DNAJC6: variants seen among roughly 807,000 people sequenced by gnomAD.
DNAJC6 encodes auxilin.
A neutral mutation model predicts 110.0 loss-of-function variants in DNAJC6; 34 were observed. That is an observed-to-expected ratio of 0.31 (90% confidence interval 0.24 to 0.41). The LOEUF (loss-of-function observed/expected upper bound fraction) is 0.41. Among genes scored for constraint, DNAJC6 ranks in the 10% least tolerant of loss-of-function variants. The pLI, the probability that DNAJC6 is intolerant of heterozygous loss-of-function variation, is 1.00. For synonymous variants in DNAJC6, 406 were observed against 437.2 expected (o/e 0.93, Z 0.89); for missense variants, 1,031 against 1,207.8 (o/e 0.85, Z 2.17).
chr1:65,408,870 G>A, intron 17 of DNAJC6, 87 bp downstream of exon 17: 1 of 1,472,738 alleles, frequency 6.8e-7, no homozygotes, highest in Non-Finnish European at 9.1e-7. Flanking sequence ...CGCCATGAGA[G>A]TAACCTATTG....
At chr1:65,309,428 G>C, upstream of DNAJC6, 10 of 544,424 alleles carry the variant, frequency 1.8e-5, no homozygotes, top group Non-Finnish European at 2.4e-5. Flanking sequence ...GCCAGGAGGT[G>C]CTGGCCTGGG....
chr1:65,265,701 G>C (rs902113361), intron 1 of DNAJC6, among the ~76,000 whole-genome samples: 1 of 152,220 alleles, frequency 6.6e-6, no homozygotes, highest in East Asian at 1.9e-4. Context: ...GCCGCAGTTG[G>C]GGGAGGAGCG....
chr1:65,355,630 G>A (rs1305341486), intron 1 of DNAJC6, among the ~76,000 whole-genome samples: 1 of 152,166 alleles, frequency 6.6e-6, no homozygotes, highest in Non-Finnish European at 1.5e-5. Context: ...GAGTGAACCT[G>A]AATATTAGTC....
At chr1:65,383,322 T>C (rs546856236) in intron 5 of DNAJC6, among the ~76,000 whole-genome samples, 1 of 152,314 alleles carries the variant, frequency 6.6e-6, no homozygotes, top group African/African-American at 2.4e-5. Context: ...AGTTCTTTTC[T>C]TTCTTTTTTT....
intron 1 of DNAJC6, among the ~76,000 whole-genome samples, chr1:65,334,189 A>G (rs1645313880): frequency 6.6e-6 from 1 of 152,268 alleles, no homozygotes; most frequent in Non-Finnish European, 1.5e-5. Flanking sequence ...TATAACATGT[A>G]ACCATGTTTG....
chr1:65,330,545 C>T (rs569985711), intron 1 of DNAJC6, among the ~76,000 whole-genome samples: 31 of 152,086 alleles, frequency 2.0e-4, no homozygotes, highest in Non-Finnish European at 4.0e-4. Flanking sequence ...TTCGGCTCAC[C>T]GCAAGCTCCG....
chr1:65,376,751 T>TTTTATTTA (rs3054307), intron 4 of DNAJC6, among the ~76,000 whole-genome samples: 3 of 150,432 alleles, frequency 2.0e-5, no homozygotes, highest in South Asian at 2.1e-4. Context: ...ATGATTTCTA[T>TTTTATTTA]TTTATTTATT....
intron 1 of DNAJC6, among the ~76,000 whole-genome samples, chr1:65,325,723 C>T (rs537982145): frequency 6.6e-6 from 1 of 152,352 alleles, no homozygotes; most frequent in Admixed American, 6.5e-5. Context: ...GCCATACGTT[C>T]TGAGAAACGC....
chr1:65,303,220 T>TA lies in DNAJC6; in HGVS notation c.-131+38289dup, dbSNP rs1419919858. Among the ~76,000 whole-genome samples the TA allele has an allele frequency of 5.3e-5, 8 of 152,364 alleles. No homozygotes were observed. The East Asian group carries it at 1.2e-3, about 22-fold the overall frequency. ...TAGCAGATACTTACTGAACACCTAT[T>TA]ACTTGGCAGGCACTGTGCTAGACCT... On this transcript the variant is annotated intron_variant, in intron 1 of 19. Coordinates refer to the DNAJC6 transcript ENST00000263441.
intron 1 of DNAJC6, among the ~76,000 whole-genome samples, chr1:65,300,559 G>C (rs1644969722): frequency 6.6e-6 from 1 of 152,134 alleles, no homozygotes; most frequent in Non-Finnish European, 1.5e-5. Context: ...CAGCTAAAGG[G>C]CACAGAAGCA....
At chr1:65,365,177 A>G (rs1201221015) in intron 2 of DNAJC6, among the ~76,000 whole-genome samples, 3 of 152,182 alleles carry the variant, frequency 2.0e-5, no homozygotes, top group Non-Finnish European at 4.4e-5. Context: ...TAAAATATAC[A>G]TGCAATCTGA....
intron 6 of DNAJC6, 44 bp from the exon 7 acceptor site, chr1:65,385,668 C>G: frequency 7.0e-7 from 1 of 1,424,328 alleles, no homozygotes; most frequent in South Asian, 1.8e-5. Flanking sequence ...GCTTGCTTCT[C>G]CTGATGTGAT....
At chr1:65,396,296 C>T (rs1570370816) in intron 13 of DNAJC6, among the ~76,000 whole-genome samples, 3 of 152,282 alleles carry the variant, frequency 2.0e-5, no homozygotes, top group Middle Eastern at 3.4e-3. Flanking sequence ...AGTTGGTTTT[C>T]TCACTCATTT....
chr1:65,400,508 G>A (rs1646021023), intron 14 of DNAJC6, among the ~76,000 whole-genome samples: 1 of 151,998 alleles, frequency 6.6e-6, no homozygotes, highest in Admixed American at 6.6e-5. Context: ...CCAGCACCTG[G>A]TAACCACCAT....
chr1:65,411,657 A>T (rs964840430), intron 18 of DNAJC6, among the ~76,000 whole-genome samples: 6 of 152,184 alleles, frequency 3.9e-5, no homozygotes, highest in Admixed American at 2.0e-4. Context: ...TTACCCAGTG[A>T]TTAATTTTTA....
chr1:65,313,645 T>C (rs542987512), intron 1 of DNAJC6, among the ~76,000 whole-genome samples: 2 of 152,268 alleles, frequency 1.3e-5, no homozygotes, highest in South Asian at 4.1e-4. Flanking sequence ...ATTGTTGAAA[T>C]GGAAACATTT....
intron 1 of DNAJC6, among the ~76,000 whole-genome samples, chr1:65,277,347 AAT>A (rs1156404746): frequency 1.3e-5 from 2 of 152,160 alleles, no homozygotes; most frequent in Admixed American, 1.3e-4. Flanking sequence ...TGTTCCAGAG[AAT>A]ATGTGTACTA....
At chr1:65,309,303 C>T (rs1413429405), upstream of DNAJC6, among the ~76,000 whole-genome samples, 1 of 151,128 alleles carries the variant, frequency 6.6e-6, no homozygotes, top group Non-Finnish European at 1.5e-5. Context: ...CGAACCTCCC[C>T]TCCCTTCCTA....
chr1:65,389,482 A>T (rs1392563704), intron 10 of DNAJC6, 33 bp downstream of exon 10: 3 of 1,613,558 alleles, frequency 1.9e-6, no homozygotes, highest in Non-Finnish European at 8.5e-7. Context: ...GTTTTTCAGG[A>T]TGAAGCCTCT....
Sources: gnomAD v4.1 joint callset for allele counts (sites outside exome capture counted in the v4.1 genomes callset) on GRCh38, gnomAD v4.1.1 for gene constraint, MANE v1.5 for transcripts, NCBI Gene and HGNC (gene_info 2026-07-23, HGNC 2026-07-21) for gene names.